Variants in TMPRSS15 observed in about 807,000 individuals in gnomAD.
TMPRSS15 encodes transmembrane serine protease 15.
TMPRSS15 carries 128 observed loss-of-function variants against 125.3 expected under a neutral mutation model. The observed-to-expected ratio is 1.02, with a 90% CI of 0.89 to 1.18. TMPRSS15 has a LOEUF of 1.18. Among genes scored for constraint, TMPRSS15 ranks in the 50% most tolerant of loss-of-function variants. The probability of loss-of-function intolerance (pLI) is 0.00; values close to 1 mark genes in which losing one functional copy is unlikely to be tolerated. For synonymous variants in TMPRSS15, 446 were observed against 423.2 expected (o/e 1.05, Z -0.66); for missense variants, 1,283 against 1,212.7 (o/e 1.06, Z -0.86).
chr21:18,305,298 C>T (rs1017537331), intron 18 of TMPRSS15, among the ~76,000 whole-genome samples: 2 of 147,108 alleles, frequency 1.4e-5, no homozygotes, highest in Non-Finnish European at 1.5e-5. Flanking sequence ...ACGCCATTCT[C>T]CTGCCTCAGC....
Position 18,316,344 on chromosome 21 carries a change from T to G in TMPRSS15, c.1922-1088A>C, listed in dbSNP as rs1003297718. Among the ~76,000 whole-genome samples the G allele has an allele frequency of 7.2e-5, 11 of 152,286 alleles. No homozygotes were observed. The East Asian group carries it at 1.9e-3, about 27-fold the overall frequency. On this transcript the variant is annotated intron_variant, in intron 16 of 24. Transcript: ENST00000284885. Reference sequence around the variant, plus strand: ...CAAGCAACAACCATTGAACTGTTACTCAAGCACAGAGAGGTCCCCTGGCCT... The same window carrying G: ...CAAGCAACAACCATTGAACTGTTACGCAAGCACAGAGAGGTCCCCTGGCCT...
intron 1 of TMPRSS15, among the ~76,000 whole-genome samples, chr21:18,453,572 G>A (rs1027323534): frequency 3.3e-5 from 5 of 152,178 alleles, no homozygotes; most frequent in Non-Finnish European, 7.3e-5. Context: ...TTAGAGACGA[G>A]CTTATTTTGC....
intron 15 of TMPRSS15, among the ~76,000 whole-genome samples, 171 bp downstream of exon 15, chr21:18,328,998 A>G (rs975918753): frequency 1.3e-5 from 2 of 152,210 alleles, no homozygotes; most frequent in African/African-American, 4.8e-5. Flanking sequence ...CGTTGTCACT[A>G]TTTTAAATAT....
intron 11 of TMPRSS15, 49 bp downstream of exon 11, chr21:18,343,906 A>C: frequency 6.5e-7 from 1 of 1,530,488 alleles, no homozygotes; most frequent in Non-Finnish European, 9.1e-7. Flanking sequence ...GAGCAAGGCA[A>C]TGTTACCCAT....
At chr21:18,317,031 G>T (rs959122682) in intron 16 of TMPRSS15, among the ~76,000 whole-genome samples, 4 of 152,056 alleles carry the variant, frequency 2.6e-5, no homozygotes, top group Non-Finnish European at 2.9e-5. Flanking sequence ...ATAAGAAACA[G>T]GGAAGCTTCT....
intron 21 of TMPRSS15, among the ~76,000 whole-genome samples, chr21:18,291,725 A>G (rs1020711782): frequency 6.8e-6 from 1 of 146,330 alleles, no homozygotes; most frequent in African/African-American, 2.6e-5. Context: ...CATGAAGTAG[A>G]AAGCAAGAAA....
intron 1 of TMPRSS15, among the ~76,000 whole-genome samples, chr21:18,482,151 CTCA>C (rs1217579992): frequency 2.7e-5 from 4 of 150,770 alleles, no homozygotes; most frequent in South Asian, 2.1e-4. Context: ...TCATTTTCTT[CTCA>C]TCATATTAAC....
chr21:18,302,500 A>G (rs2074983954), intron 18 of TMPRSS15, among the ~76,000 whole-genome samples: 1 of 152,256 alleles, frequency 6.6e-6, no homozygotes, highest in Non-Finnish European at 1.5e-5. Flanking sequence ...GCACACACCT[A>G]GCCCAGTGAT....
chr21:18,333,456 TTAAAA>T (rs1285163682), intron 13 of TMPRSS15, among the ~76,000 whole-genome samples: 1 of 152,210 alleles, frequency 6.6e-6, no homozygotes. Context: ...AAATGTTTAC[TTAAAA>T]TAAAACAAAT....
At chr21:18,467,975 CAGAG>C (rs777001061) in intron 1 of TMPRSS15, among the ~76,000 whole-genome samples, 1 of 151,794 alleles carries the variant, frequency 6.6e-6, no homozygotes, top group South Asian at 2.1e-4. Context: ...AGAGGAGAGA[CAGAG>C]AGACAGTGGA....
chr21:18,284,713 C>T (rs1192222015), intron 21 of TMPRSS15, among the ~76,000 whole-genome samples: 2 of 152,140 alleles, frequency 1.3e-5, no homozygotes, highest in African/African-American at 2.4e-5. Flanking sequence ...GGATAAAGAT[C>T]GCAAAGATAG....
chr21:18,459,934 A>G (rs1248041023), intron 1 of TMPRSS15, among the ~76,000 whole-genome samples: 2 of 152,172 alleles, frequency 1.3e-5, no homozygotes, highest in Non-Finnish European at 2.9e-5. Flanking sequence ...ATGTTGTTTG[A>G]TGCTATAATA....
At chr21:18,478,241 A>C (rs1978916494) in intron 1 of TMPRSS15, among the ~76,000 whole-genome samples, 1 of 150,560 alleles carries the variant, frequency 6.6e-6, no homozygotes, top group Admixed American at 6.6e-5. Context: ...CTTAAATCTC[A>C]AATGAATCAT....
intron 7 of TMPRSS15, 64 bp from the exon 8 acceptor site, chr21:18,359,927 C>A: frequency 1.3e-6 from 1 of 776,024 alleles, no homozygotes; most frequent in East Asian, 2.6e-5. Flanking sequence ...TTAATGCATT[C>A]TAGAATTTGT....
intron 4 of TMPRSS15, among the ~76,000 whole-genome samples, chr21:18,380,308 A>G (rs928385000): frequency 6.6e-6 from 1 of 152,072 alleles, no homozygotes; most frequent in Admixed American, 6.6e-5. Flanking sequence ...AAAGTTTAAA[A>G]TATGAAAGGA....
chr21:18,476,986 A>G (rs545016769), intron 1 of TMPRSS15, among the ~76,000 whole-genome samples: 3 of 152,078 alleles, frequency 2.0e-5, no homozygotes, highest in East Asian at 1.9e-4. Context: ...TGGAAGAAAA[A>G]AGAGTAGAAA....
chr21:18,394,710 G>GA (rs371636275), intron 3 of TMPRSS15, among the ~76,000 whole-genome samples: 52 of 148,800 alleles, frequency 3.5e-4, no homozygotes, highest in African/African-American at 5.7e-4. Context: ...AGGTCATTAT[G>GA]AAAAAAAAAC....
chr21:18,484,490 T>C (rs1347279113), intron 1 of TMPRSS15, among the ~76,000 whole-genome samples: 1 of 151,830 alleles, frequency 6.6e-6, no homozygotes, highest in Non-Finnish European at 1.5e-5. Flanking sequence ...GCTACAAGTC[T>C]CCTTCTAACC....
In TMPRSS15 at chr21:18,411,781, A is replaced by T. The variant is rs570087027; in HGVS notation, c.11-13452T>A. Reference sequence around the variant, plus strand: ...CTCACCAAGCATATTTCCCTAATCTACTTTTGTCTGTAAAGTGGATTATGA... The same window carrying T: ...CTCACCAAGCATATTTCCCTAATCTTCTTTTGTCTGTAAAGTGGATTATGA... On this transcript the variant is annotated intron_variant, in intron 1 of 7. Transcript: ENST00000422787. Among the ~76,000 whole-genome samples the T allele has an allele frequency of 2.0e-5, 3 of 152,228 alleles. No individual in the cohort carries two copies. In the East Asian group the frequency reaches 5.8e-4, roughly 29 times the overall value.
Sources: gnomAD v4.1 joint callset for allele counts (sites outside exome capture counted in the v4.1 genomes callset) on GRCh38, gnomAD v4.1.1 for gene constraint, MANE v1.5 for transcripts, NCBI Gene and HGNC (gene_info 2026-07-23, HGNC 2026-07-21) for gene names.